The following SEMA3A variants were observed in gnomAD, a reference collection of about 807,000 sequenced individuals.
The protein encoded by SEMA3A is semaphorin-3A.
In SEMA3A, 29 loss-of-function variants were observed where a neutral mutation model predicts 97.9. The observed-to-expected ratio is 0.30, with a 90% CI of 0.22 to 0.40. The LOEUF (loss-of-function observed/expected upper bound fraction) is 0.40, where lower values mean the gene tolerates loss of function less well. SEMA3A is among the 10% of genes least tolerant of loss of function. SEMA3A has a pLI of 1.00. For synonymous variants in SEMA3A, 321 were observed against 323.7 expected (o/e 0.99, Z 0.09); for missense variants, 763 against 951.3 (o/e 0.80, Z 2.60).
At chr7:84,430,527 A>G (rs1036718620) in intron 1 of SEMA3A, among the ~76,000 whole-genome samples, 1 of 152,064 alleles carries the variant, frequency 6.6e-6, no homozygotes, top group Admixed American at 6.6e-5. Flanking sequence ...TAAGTATCTA[A>G]CATGGTCAGT....
intron 1 of SEMA3A, among the ~76,000 whole-genome samples, chr7:84,474,682 A>G (rs1396928284): frequency 6.6e-6 from 1 of 152,158 alleles, no homozygotes; most frequent in Non-Finnish European, 1.5e-5. Flanking sequence ...TGTGAGGCAC[A>G]TCATAAACTG....
intron 9 of SEMA3A, among the ~76,000 whole-genome samples, chr7:84,009,888 G>A (rs1226406327): frequency 4.6e-5 from 5 of 108,936 alleles, no homozygotes; most frequent in Admixed American, 1.2e-4. Flanking sequence ...AATTAAGTTT[G>A]AGTTTGACAC....
At chr7:84,093,368 CA>C (rs1184043925) in intron 4 of SEMA3A, among the ~76,000 whole-genome samples, 1 of 152,038 alleles carries the variant, frequency 6.6e-6, no homozygotes, top group East Asian at 1.9e-4. Flanking sequence ...GCTGTGTTGC[CA>C]TGAGAACATA....
chr7:84,323,533 T>C (rs1801702326), intron 2 of SEMA3A, among the ~76,000 whole-genome samples: 1 of 152,066 alleles, frequency 6.6e-6, no homozygotes, highest in Admixed American at 6.6e-5. Flanking sequence ...AAGGGGGTAC[T>C]TGCAATGTAC....
At chr7:84,437,659 T>C (rs1805172180) in intron 1 of SEMA3A, among the ~76,000 whole-genome samples, 1 of 151,580 alleles carries the variant, frequency 6.6e-6, no homozygotes, top group African/African-American at 2.4e-5. Flanking sequence ...TCCTGATACA[T>C]GAGAACAGAG....
intron 1 of SEMA3A, among the ~76,000 whole-genome samples, chr7:84,176,563 A>T (rs1797575402): frequency 6.6e-6 from 1 of 152,178 alleles, no homozygotes; most frequent in Non-Finnish European, 1.5e-5. Context: ...AAAAATCCCA[A>T]GGATAATAGT....
intron 2 of SEMA3A, among the ~76,000 whole-genome samples, chr7:84,354,031 T>G (rs991078294): frequency 1.3e-5 from 2 of 151,514 alleles, no homozygotes; most frequent in Non-Finnish European, 3.0e-5. Flanking sequence ...CTTAATGTAC[T>G]GAAAAAAGAA....
intron 1 of SEMA3A, among the ~76,000 whole-genome samples, chr7:84,381,246 T>A (rs989556186): frequency 6.6e-6 from 1 of 152,146 alleles, no homozygotes; most frequent in Admixed American, 6.5e-5. Context: ...GGGAGAAAAA[T>A]AAAGACCTTG....
chr7:84,123,211 T>C (rs796166051), intron 3 of SEMA3A, among the ~76,000 whole-genome samples: 19 of 152,220 alleles, frequency 1.2e-4, no homozygotes, highest in African/African-American at 4.6e-4. Context: ...AGTTAATCCA[T>C]CAATAGAAAT....
At chr7:84,197,715 C>A (rs75563050), upstream of SEMA3A, among the ~76,000 whole-genome samples, 7,914 of 149,446 alleles carry the variant, frequency 0.053, 279 homozygotes, top group Middle Eastern at 0.063. Context: ...TTAATCCACT[C>A]CTCCAAAGAT....
intron 4 of SEMA3A, among the ~76,000 whole-genome samples, chr7:84,108,901 T>C (rs1380276714): frequency 9.7e-6 from 1 of 103,592 alleles, no homozygotes; most frequent in Non-Finnish European, 1.9e-5. Flanking sequence ...TGAGACTCCA[T>C]ACTCACAAGA....
chr7:84,290,179 A>G (rs571508441), intron 3 of SEMA3A, among the ~76,000 whole-genome samples: 155 of 152,232 alleles, frequency 1.0e-3, no homozygotes, highest in African/African-American at 3.3e-3. Context: ...GATGATAATT[A>G]TACCACCTTG....
intron 1 of SEMA3A, among the ~76,000 whole-genome samples, chr7:84,186,152 T>A (rs1797878654): frequency 6.6e-6 from 1 of 152,218 alleles, no homozygotes; most frequent in Non-Finnish European, 1.5e-5. Flanking sequence ...TTCTCTACTT[T>A]TACCTTCTCA....
chr7:84,111,157 C>A (rs1474618023), intron 3 of SEMA3A, among the ~76,000 whole-genome samples: 1 of 152,074 alleles, frequency 6.6e-6, no homozygotes, highest in Non-Finnish European at 1.5e-5. Flanking sequence ...TTGTTAAAGG[C>A]TATAGACTTT....
At chr7:84,480,401 G>A (rs754315815) in intron 1 of SEMA3A, among the ~76,000 whole-genome samples, 1 of 152,148 alleles carries the variant, frequency 6.6e-6, no homozygotes, top group Non-Finnish European at 1.5e-5. Flanking sequence ...AAAACTGCTC[G>A]TAGGGAATCT....
chr7:83,965,767 G>A (rs1351862367), intron 15 of SEMA3A, among the ~76,000 whole-genome samples: 4 of 130,458 alleles, frequency 3.1e-5, no homozygotes, highest in South Asian at 2.8e-4. Context: ...TGCAAGCTCC[G>A]CCTCCCGGGT....
intron 12 of SEMA3A, among the ~76,000 whole-genome samples, chr7:83,996,594 C>T (rs573737341): frequency 2.0e-4 from 31 of 152,176 alleles, no homozygotes; most frequent in African/African-American, 6.3e-4. Flanking sequence ...AGCCACCACG[C>T]CCAGCCTTTA....
At chr7:84,415,933 C>T (rs373337452) in intron 1 of SEMA3A, among the ~76,000 whole-genome samples, 104 of 151,960 alleles carry the variant, frequency 6.8e-4, no homozygotes, top group South Asian at 2.3e-3. Flanking sequence ...GTTAGGGATA[C>T]GGCACCAAAA....
intron 1 of SEMA3A, among the ~76,000 whole-genome samples, chr7:84,161,405 T>G (rs1370775687): frequency 6.6e-6 from 1 of 152,072 alleles, no homozygotes; most frequent in Non-Finnish European, 1.5e-5. Flanking sequence ...GAAATTAACA[T>G]GTAAAAACAC....
Sources: allele counts gnomAD v4.1 joint callset (sites outside exome capture counted in the v4.1 genomes callset), GRCh38; gene constraint gnomAD v4.1.1; transcripts MANE v1.5; gene names NCBI Gene and HGNC (gene_info 2026-07-23, HGNC 2026-07-21).